Variants in POLN observed in about 807,000 individuals in gnomAD.
POLN encodes the protein DNA polymerase nu.
In POLN, 108 loss-of-function variants were observed where a neutral mutation model predicts 113.5. The ratio of observed to expected loss-of-function variants is 0.95; its 90% CI spans 0.81 to 1.12. The LOEUF is 1.12. Ranked by LOEUF, POLN falls within the 50% of genes most tolerant of loss-of-function variation. The pLI is 0.00. For missense variants in POLN, 1,097 were observed against 1,077.1 expected, an observed-to-expected ratio of 1.02 and a Z score of -0.26; for synonymous variants, 386 against 391.5, an observed-to-expected ratio of 0.99 and a Z score of 0.17.
chr4:2,155,618 G>T (rs1732405047), intron 16 of POLN, among the ~76,000 whole-genome samples: 1 of 152,024 alleles, frequency 6.6e-6, no homozygotes, highest in East Asian at 1.9e-4. Context: ...ACTAACATTT[G>T]CTCATTCTGT....
chr4:2,145,878 T>C (rs1421157388), intron 16 of POLN, among the ~76,000 whole-genome samples: 1 of 152,142 alleles, frequency 6.6e-6, no homozygotes, highest in Admixed American at 6.5e-5. Context: ...TAGTGAAATA[T>C]TGGAAACAAC....
At chr4:2,131,821 A>C (rs1046826818) in intron 16 of POLN, among the ~76,000 whole-genome samples, 1 of 152,146 alleles carries the variant, frequency 6.6e-6, no homozygotes, top group Admixed American at 6.5e-5. Context: ...AAGCACCTTC[A>C]CACTTTTACA....
At chr4:2,097,322 G>T (rs1049212940) in intron 19 of POLN, among the ~76,000 whole-genome samples, 1 of 152,086 alleles carries the variant, frequency 6.6e-6, no homozygotes, top group Non-Finnish European at 1.5e-5. Context: ...GGTGGGAGGA[G>T]GGCAGACAGA....
Position 2,179,791 on chromosome 4 carries a change from C to T in POLN, c.1022-326G>A, listed in dbSNP as rs34904460. ...TGTTAAAAGCTGTCGAAGTCAGAGTCGTGGGTCATGCTACCTGCCTCCCCT... is the reference window on the plus strand; with the variant it reads ...TGTTAAAAGCTGTCGAAGTCAGAGTTGTGGGTCATGCTACCTGCCTCCCCT... On this transcript the variant is annotated intron_variant, in intron 7 of 25. Transcript: ENST00000511885. 6.9e-4 allele frequency among the ~76,000 whole-genome samples: 105 copies of T among 152,228 alleles called. No individual in the cohort carries two copies. The South Asian group carries it at 0.012, about 17-fold the overall frequency.
chr4:2,105,968 A>T (rs1731056636), intron 19 of POLN, among the ~76,000 whole-genome samples: 1 of 152,122 alleles, frequency 6.6e-6, no homozygotes, highest in South Asian at 2.1e-4. Context: ...CCTTCTTAAG[A>T]TGCCCTGGAA....
chr4:2,148,434 C>T (rs369943173), intron 16 of POLN, among the ~76,000 whole-genome samples: 3 of 151,904 alleles, frequency 2.0e-5, no homozygotes, highest in Non-Finnish European at 2.9e-5. Context: ...TTTGGGAGGC[C>T]GACGCGGGTA....
chr4:2,204,461 TA>T (rs1371333959), intron 5 of POLN, among the ~76,000 whole-genome samples: 2 of 151,734 alleles, frequency 1.3e-5, no homozygotes, highest in Non-Finnish European at 2.9e-5. Flanking sequence ...AAATTACAAA[TA>T]AAAAAAGTCC....
At position 2,080,110 on chromosome 4, in the gene POLN, G is replaced by C. The variant is rs910166242; in HGVS notation, c.2387+848C>G. 19 of 985,428 alleles carry C rather than the reference G, an allele frequency of 1.9e-5. No homozygotes were observed. In the South Asian group the frequency reaches 2.3e-4, roughly 12 times the overall value. 61.0% of individuals were successfully genotyped at this position (985,428 alleles called of 1,614,324 possible). A position where few individuals can be genotyped will look rare whatever the true frequency, so the allele number is the denominator to read the frequency against. ...GGGGCCCTTCGGGGACTGACACTGT[G>C]GGGGGCTGGGGCAGGTTAGCTCCCA... is the stretch of plus-strand genomic sequence containing the variant. On this transcript the variant is annotated intron_variant, in intron 23 of 25. Transcript: ENST00000511885.
intron 23 of POLN, chr4:2,080,645 G>A (rs1055441970): frequency 7.0e-6 from 9 of 1,278,120 alleles, no homozygotes; most frequent in Admixed American, 3.3e-5. Context: ...TGAGGGGTTC[G>A]CCTGCCTCTG....
At chr4:2,098,918 G>GCACACA (rs4031130) in intron 19 of POLN, among the ~76,000 whole-genome samples, 2 of 149,916 alleles carry the variant, frequency 1.3e-5, no homozygotes, top group Non-Finnish European at 3.0e-5. Context: ...ACGTGCGTGC[G>GCACACA]CACACACACA....
intron 23 of POLN, chr4:2,078,793 A>G: frequency 2.0e-6 from 2 of 985,492 alleles, no homozygotes; most frequent in South Asian, 4.7e-5. Context: ...TGACAGAAGG[A>G]TGACCAGCGA....
chr4:2,171,198 C>T lies in POLN; in HGVS notation c.1375-17G>A. On this transcript the variant is annotated splice_polypyrimidine_tract_variant and intron_variant, in intron 11 of 25. Transcript: ENST00000511885. The stretch of plus-strand genomic sequence containing the variant: ...GAGACGAGCCTGAAAATATGATACA[C>T]ACAATTAATTTCATTCATAGTTTTC... 1 of 1,584,430 alleles carries T rather than the reference C, an allele frequency of 6.3e-7. No individual in the cohort carries two copies.
chr4:2,170,657 A>C, intron 13 of POLN, 22 bp downstream of exon 13: 13 of 1,594,496 alleles, frequency 8.2e-6, no homozygotes, highest in Non-Finnish European at 1.1e-5. Context: ...TAAAAAGAAA[A>C]AGGATAACTC....
At chr4:2,194,072 G>A (rs570074675) in intron 6 of POLN, among the ~76,000 whole-genome samples, 1 of 152,196 alleles carries the variant, frequency 6.6e-6, no homozygotes, top group African/African-American at 2.4e-5. Context: ...TGAAGTGATT[G>A]TTGCACTGAA....
intron 22 of POLN, chr4:2,081,318 C>T (rs1577679622): frequency 1.2e-6 from 1 of 844,936 alleles, no homozygotes; most frequent in Non-Finnish European, 1.8e-6. Context: ...AGGCCAAGTG[C>T]CAAGGAACTG....
At chr4:2,087,637 A>AC (rs1428388451) in intron 20 of POLN, among the ~76,000 whole-genome samples, 1 of 152,192 alleles carries the variant, frequency 6.6e-6, no homozygotes, top group Non-Finnish European at 1.5e-5. Flanking sequence ...CTTAGTAATT[A>AC]ATAGAAACTT....
chr4:2,172,684 G>C (rs1732893005), intron 11 of POLN, among the ~76,000 whole-genome samples: 1 of 152,168 alleles, frequency 6.6e-6, no homozygotes, highest in Admixed American at 6.5e-5. Flanking sequence ...TGCACCCAGG[G>C]GAAGTGAGGA....
chr4:2,092,402 C>A (rs1282442962), intron 20 of POLN, among the ~76,000 whole-genome samples: 2 of 152,206 alleles, frequency 1.3e-5, no homozygotes, highest in African/African-American at 4.8e-5. Flanking sequence ...AGCAGCTGTG[C>A]GCAGGGCCGT....
At chr4:2,220,286 C>T (rs182183011) in intron 3 of POLN, among the ~76,000 whole-genome samples, 1 of 152,190 alleles carries the variant, frequency 6.6e-6, no homozygotes, top group Non-Finnish European at 1.5e-5. Flanking sequence ...CAGCTCTTAA[C>T]CAGTGTACTA....
Sources: allele counts gnomAD v4.1 joint callset (sites outside exome capture counted in the v4.1 genomes callset), GRCh38; gene constraint gnomAD v4.1.1; transcripts MANE v1.5; gene names NCBI Gene and HGNC (gene_info 2026-07-23, HGNC 2026-07-21).